The following NOL4L variants were observed in gnomAD, a reference collection of about 807,000 sequenced individuals.
The protein encoded by NOL4L is nucleolar protein 4 like, also known as nucleolar protein 4-like.
Under a neutral mutation model 64.5 loss-of-function variants are expected in NOL4L, and 7 were observed. The ratio of observed to expected loss-of-function variants is 0.11; its 90% CI spans 0.06 to 0.20. The LOEUF (loss-of-function observed/expected upper bound fraction) is 0.20. Among genes scored for constraint, NOL4L ranks in the 10% least tolerant of loss-of-function variants. The pLI, the probability that NOL4L is intolerant of heterozygous loss-of-function variation, is 1.00. For synonymous variants in NOL4L, 413 were observed against 401.0 expected (o/e 1.03, Z -0.36); for missense variants, 680 against 967.1 (o/e 0.70, Z 3.94).
chr20:32,511,478 A>AAG, intron 3 of NOL4L, 22 bp from the exon 4 acceptor site: 1 of 1,506,968 alleles, frequency 6.6e-7, no homozygotes, highest in Non-Finnish European at 9.0e-7. Context: ...AACAAAAGGA[A>AAG]AGCCCTTTCA....
At chr20:32,511,566 G>T in intron 3 of NOL4L, 110 bp from the exon 4 acceptor site, 1 of 700,652 alleles carries the variant, frequency 1.4e-6, no homozygotes, top group Non-Finnish European at 2.4e-6. Context: ...GGAGGAGAAG[G>T]GACAGGTCAG....
intron 5 of NOL4L, chr20:32,465,226 C>A (rs2014441116): frequency 4.5e-6 from 2 of 441,636 alleles, no homozygotes; most frequent in East Asian, 3.5e-5. Context: ...GCACAACCAC[C>A]CTCTGCAGCA....
Position 32,452,452 on chromosome 20 carries a change from G to T in NOL4L, c.1621-15C>A, listed in dbSNP as rs779250690. 1.9e-6 allele frequency: 3 copies of T among 1,543,244 alleles called. No homozygotes were observed. Among genetic ancestry groups the T allele is most frequent in the Admixed American group, 4.0e-5 (2 of 49,514 alleles). The stretch of plus-strand genomic sequence containing the variant: ...ATGGGCTCATCCTGCAGAGGGGAGA[G>T]GGGGGCGCTGGGGAAACCAAGGGGC... On this transcript the variant is annotated splice_polypyrimidine_tract_variant and intron_variant, in intron 9 of 10. Coordinates refer to ENST00000621426, the MANE Select transcript of NOL4L (RefSeq NM_001256798.2).
chr20:32,465,545 C>A (rs1264812787), intron 5 of NOL4L, among the ~76,000 whole-genome samples: 1 of 152,218 alleles, frequency 6.6e-6, no homozygotes, highest in African/African-American at 2.4e-5. Flanking sequence ...TCCTCCAGGC[C>A]AAGCACAGGC....
At position 32,496,613 on chromosome 20, in the gene NOL4L, T is replaced by C. The variant is rs190475308; in HGVS notation, c.699+14734A>G. Among the ~76,000 whole-genome samples the C allele has an allele frequency of 8.5e-4, 130 of 152,138 alleles. 3 individuals are homozygous for C. The East Asian group carries it at 0.025, about 29-fold the overall frequency. On this transcript the variant is annotated intron_variant, in intron 4 of 10. Coordinates refer to ENST00000621426, the MANE Select transcript of NOL4L (RefSeq NM_001256798.2). ...TTGCCCAAGCTGGAGTACAGTGGCATGATCTCAGCTCACTGCAACCTCTGC... is the reference window on the plus strand; with the variant it reads ...TTGCCCAAGCTGGAGTACAGTGGCACGATCTCAGCTCACTGCAACCTCTGC...
chr20:32,557,749 T>C (rs1021835153), intron 1 of NOL4L, among the ~76,000 whole-genome samples: 2 of 152,222 alleles, frequency 1.3e-5, no homozygotes, highest in African/African-American at 4.8e-5. Context: ...AAGTTTGTAT[T>C]TTTAAACTTT....
At chr20:32,578,279 C>T (rs79148401) in intron 1 of NOL4L, among the ~76,000 whole-genome samples, 3,214 of 152,226 alleles carry the variant, frequency 0.021, 127 homozygotes, top group African/African-American at 0.074. Context: ...TTCTCTACAT[C>T]AAAGTGGACT....
At chr20:32,502,465 C>T (rs539804888) in intron 4 of NOL4L, among the ~76,000 whole-genome samples, 16 of 150,532 alleles carry the variant, frequency 1.1e-4, no homozygotes, top group African/African-American at 3.2e-4. Context: ...TGGTGGCAGG[C>T]GCCTGTAATT....
chr20:32,466,078 C>T (rs968050137), intron 5 of NOL4L, among the ~76,000 whole-genome samples: 5 of 151,776 alleles, frequency 3.3e-5, no homozygotes, highest in African/African-American at 1.2e-4. Context: ...AGCGATTCTC[C>T]TGCCTTAGCT....
chr20:32,538,763 A>AGCGGCAG (rs1186343737), intron 1 of NOL4L, among the ~76,000 whole-genome samples: 1 of 152,180 alleles, frequency 6.6e-6, no homozygotes, highest in Non-Finnish European at 1.5e-5. Context: ...TGGGGGAGGC[A>AGCGGCAG]GCGGCAGGCG....
At chr20:32,574,397 G>A (rs1427046003) in intron 1 of NOL4L, among the ~76,000 whole-genome samples, 2 of 152,200 alleles carry the variant, frequency 1.3e-5, no homozygotes, top group African/African-American at 2.4e-5. Context: ...TTGCTTAGCT[G>A]GGGGCCCAGC....
intron 1 of NOL4L, among the ~76,000 whole-genome samples, chr20:32,569,359 A>C (rs868636235): frequency 6.6e-6 from 1 of 152,206 alleles, no homozygotes; most frequent in South Asian, 2.1e-4. Flanking sequence ...AAGCCACAGG[A>C]GAGTTTTGAA....
chr20:32,544,084 C>A (rs1383547682), intron 1 of NOL4L, among the ~76,000 whole-genome samples: 2 of 152,162 alleles, frequency 1.3e-5, no homozygotes, highest in East Asian at 3.9e-4. Flanking sequence ...GTGAAACAGG[C>A]AGCCATAGAG....
intron 4 of NOL4L, among the ~76,000 whole-genome samples, chr20:32,476,789 A>G (rs929062485): frequency 3.3e-5 from 5 of 152,238 alleles, no homozygotes; most frequent in African/African-American, 1.2e-4. Flanking sequence ...TGCAAAGCAC[A>G]TGGAAGCAGG....
chr20:32,513,759 G>A (rs1677064178), intron 3 of NOL4L, among the ~76,000 whole-genome samples: 1 of 152,052 alleles, frequency 6.6e-6, no homozygotes, highest in Non-Finnish European at 1.5e-5. Context: ...CAGCTACTCG[G>A]GAGGCTGAGG....
intron 4 of NOL4L, among the ~76,000 whole-genome samples, chr20:32,490,352 G>C (rs1389493409): frequency 6.6e-6 from 1 of 151,938 alleles, no homozygotes; most frequent in Non-Finnish European, 1.5e-5. Flanking sequence ...GGGACTGGGG[G>C]GTGAGAGGGA....
chr20:32,570,867 G>A (rs1979710749), intron 1 of NOL4L, among the ~76,000 whole-genome samples: 2 of 152,122 alleles, frequency 1.3e-5, no homozygotes, highest in African/African-American at 2.4e-5. Context: ...AACACTCACC[G>A]AGCACTCAAC....
At position 32,463,784 on chromosome 20, in the gene NOL4L, G is replaced by A. The variant is rs1370439993; in HGVS notation, c.842-7389C>T. On this transcript the variant is annotated intron_variant, in intron 5 of 10. Transcript: ENST00000621426. The surrounding 1 kb of genome is among the most constrained non-coding windows in gnomAD (Gnocchi z 5.8). Reference sequence around the variant, plus strand: ...CCCAGCTCTGTGCGAACCACCAATCGCCACACCGCGCTCTGGGGCCCACAG... The same window carrying A: ...CCCAGCTCTGTGCGAACCACCAATCACCACACCGCGCTCTGGGGCCCACAG... Among the ~76,000 whole-genome samples the A allele has an allele frequency of 2.0e-5, 3 of 151,926 alleles. No individual in the cohort carries two copies. Among genetic ancestry groups the A allele is most frequent in the East Asian group, 1.9e-4 (1 of 5,156 alleles).
At chr20:32,458,339 C>T (rs961134229) in intron 5 of NOL4L, among the ~76,000 whole-genome samples, 2 of 152,172 alleles carry the variant, frequency 1.3e-5, no homozygotes, top group Non-Finnish European at 2.9e-5. Flanking sequence ...GGTCTGGTTC[C>T]ACACTGCCAC....
Sources: gnomAD v4.1 joint callset for allele counts (sites outside exome capture counted in the v4.1 genomes callset) on GRCh38, gnomAD v4.1.1 for gene constraint, Gnocchi (gnomAD v3.1) non-coding constraint, MANE v1.5 for transcripts, NCBI Gene and HGNC (gene_info 2026-07-23, HGNC 2026-07-21) for gene names.